LY86: variants seen among roughly 807,000 people sequenced by gnomAD.
LY86 encodes MD-1, RP105-associated.
In LY86, 20 loss-of-function variants were observed where a neutral mutation model predicts 17.3. The observed-to-expected ratio is 1.15, with a 90% CI of 0.81 to 1.68. LY86 has a LOEUF of 1.68. LY86 is among the 40% of genes most tolerant of loss of function. LY86 has a pLI of 0.00. For synonymous variants in LY86, 74 were observed against 70.6 expected, an observed-to-expected ratio of 1.05 and a Z score of -0.24; for missense variants, 200 against 191.9, an observed-to-expected ratio of 1.04 and a Z score of -0.25.
rs911463896 is a variant in LY86, at chr6:6,654,221, G to C, written c.406-323G>C. 3.9e-5 allele frequency among the ~76,000 whole-genome samples: 6 copies of C among 152,334 alleles called. No individual in the cohort carries two copies. In the East Asian group the frequency reaches 1.2e-3, roughly 29 times the overall value. On this transcript the variant is annotated intron_variant, in intron 4 of 4. Coordinates refer to ENST00000230568, the MANE Select transcript of LY86 (RefSeq NM_004271.4). ...GCCTAAATGTCGTCGTCTCAGCAGG[G>C]CCTCCTTTCACCACCCTGCTCAAAA...
At chr6:6,613,056 T>C (rs1761429813) in intron 1 of LY86, among the ~76,000 whole-genome samples, 1 of 152,160 alleles carries the variant, frequency 6.6e-6, no homozygotes, top group Admixed American at 6.5e-5. Context: ...ATAAAGCTTC[T>C]CCAAGTCCCC....
chr6:6,624,378 G>C (rs185966454), intron 1 of LY86, among the ~76,000 whole-genome samples: 16 of 137,480 alleles, frequency 1.2e-4, no homozygotes, highest in South Asian at 2.5e-4. Context: ...ACATTAAATG[G>C]GATGGGATGG....
chr6:6,614,657 G>T (rs1297115227), intron 1 of LY86, among the ~76,000 whole-genome samples: 1 of 151,926 alleles, frequency 6.6e-6, no homozygotes, highest in East Asian at 1.9e-4. Flanking sequence ...CTTCAGCTTT[G>T]TTCTCTTTGT....
chr6:6,625,114 C>A, intron 2 of LY86, 102 bp downstream of exon 2: 1 of 568,136 alleles, frequency 1.8e-6, no homozygotes. Flanking sequence ...GGCTAAACTA[C>A]TGTTCCCTCA....
intron 1 of LY86, among the ~76,000 whole-genome samples, chr6:6,604,072 G>A (rs1404392165): frequency 1.3e-5 from 2 of 152,268 alleles, no homozygotes; most frequent in African/African-American, 4.8e-5. Context: ...GAAATTAAAT[G>A]TAGAGTGGTT....
intron 3 of LY86, 27 bp downstream of exon 3, chr6:6,626,448 G>A (rs563018214): frequency 6.2e-7 from 1 of 1,611,960 alleles, no homozygotes; most frequent in East Asian, 2.2e-5. Flanking sequence ...GCTCACTGCT[G>A]GCAGGGGCCT....
At chr6:6,598,285 TTCAAC>T (rs1320121293) in intron 1 of LY86, among the ~76,000 whole-genome samples, 1 of 152,208 alleles carries the variant, frequency 6.6e-6, no homozygotes, top group Non-Finnish European at 1.5e-5. Flanking sequence ...CACAAAATTA[TTCAAC>T]TCATTTTTTT....
At chr6:6,603,612 AAACAAAC>A (rs1404822699) in intron 1 of LY86, among the ~76,000 whole-genome samples, 1 of 124,694 alleles carries the variant, frequency 8.0e-6, no homozygotes, top group Non-Finnish European at 1.8e-5. Flanking sequence ...ACAGAAAAAA[AAACAAAC>A]AAAAAAAAAC....
intron 1 of LY86, among the ~76,000 whole-genome samples, chr6:6,596,305 G>A (rs1307324318): frequency 6.6e-6 from 1 of 152,170 alleles, no homozygotes; most frequent in Non-Finnish European, 1.5e-5. Flanking sequence ...TCTAAAAGCT[G>A]CCCCAGGAGA....
intron 3 of LY86, among the ~76,000 whole-genome samples, chr6:6,626,964 C>A (rs2113142474): frequency 6.6e-6 from 1 of 152,324 alleles, no homozygotes; most frequent in East Asian, 1.9e-4. Flanking sequence ...AGTGCACCAA[C>A]CCTCTACCGC....
intron 3 of LY86, among the ~76,000 whole-genome samples, chr6:6,640,053 C>T (rs1331005693): frequency 6.6e-6 from 1 of 152,134 alleles, no homozygotes; most frequent in Non-Finnish European, 1.5e-5. Context: ...TCATTGCTCC[C>T]AAGGGCTTCC....
intron 1 of LY86, among the ~76,000 whole-genome samples, chr6:6,606,785 C>T (rs573720553): frequency 1.3e-5 from 2 of 152,254 alleles, no homozygotes; most frequent in African/African-American, 4.8e-5. Context: ...GCGCGCAGCC[C>T]GGGTTCCCGC....
intron 2 of LY86, 125 bp downstream of exon 2, chr6:6,625,137 A>G: frequency 1.9e-6 from 1 of 532,224 alleles, no homozygotes; most frequent in South Asian, 2.4e-5. Flanking sequence ...ACTCTCTGGA[A>G]TTAACTCTAT....
intron 3 of LY86, among the ~76,000 whole-genome samples, chr6:6,642,560 C>T (rs772354900): frequency 4.6e-5 from 7 of 152,238 alleles, no homozygotes; most frequent in Non-Finnish European, 8.8e-5. Flanking sequence ...GATCTAGCTA[C>T]CGTGACATTC....
chr6:6,597,709 G>A (rs555283025), intron 1 of LY86, among the ~76,000 whole-genome samples: 54 of 152,338 alleles, frequency 3.5e-4, no homozygotes, highest in African/African-American at 1.3e-3. Flanking sequence ...ACCCAGGAAG[G>A]CATCACTGTG....
chr6:6,633,422 G>C (rs1407480086), intron 3 of LY86, among the ~76,000 whole-genome samples: 1 of 151,984 alleles, frequency 6.6e-6, no homozygotes, highest in Non-Finnish European at 1.5e-5. Context: ...TTAAGTTCAG[G>C]GGTACATGTG....
rs143878384 is a variant in LY86, at chr6:6,589,454, C to T, written c.136+584C>T. ...AGATAATAAAAGTGCATATGCCAGG[C>T]CTGTCACCCCAGCGGGCCAACCCAA... On this transcript the variant is annotated intron_variant, in intron 1 of 4. Coordinates refer to ENST00000230568, the MANE Select transcript of LY86 (RefSeq NM_004271.4). Among the ~76,000 whole-genome samples the T allele has an allele frequency of 1.1e-4, 16 of 152,316 alleles. No individual in the cohort carries two copies. In the East Asian group the frequency reaches 1.7e-3, roughly 17 times the overall value.
chr6:6,616,330 G>C (rs1761553515), intron 1 of LY86, among the ~76,000 whole-genome samples: 1 of 152,178 alleles, frequency 6.6e-6, no homozygotes, highest in African/African-American at 2.4e-5. Context: ...CTAAAGCTCT[G>C]CTTCTGTCTT....
intron 1 of LY86, among the ~76,000 whole-genome samples, chr6:6,617,192 T>G (rs1254613575): frequency 6.6e-6 from 1 of 152,254 alleles, no homozygotes; most frequent in Non-Finnish European, 1.5e-5. Context: ...CCTAGTAATC[T>G]GGTCGCTACT....
Sources: gnomAD v4.1 joint callset for allele counts (sites outside exome capture counted in the v4.1 genomes callset) on GRCh38, gnomAD v4.1.1 for gene constraint, MANE v1.5 for transcripts, NCBI Gene and HGNC (gene_info 2026-07-23, HGNC 2026-07-21) for gene names.